The following CCDC47 variants were observed in gnomAD, a reference collection of about 807,000 sequenced individuals.
The protein encoded by CCDC47 is coiled-coil domain containing 47.
CCDC47 carries 41 observed loss-of-function variants against 60.5 expected under a neutral mutation model. The ratio of observed to expected loss-of-function variants is 0.68; its 90% CI spans 0.53 to 0.88. The LOEUF is 0.88. Ranked by LOEUF, CCDC47 falls within the 40% of genes least tolerant of loss-of-function variation. CCDC47 has a pLI of 0.00. For synonymous variants in CCDC47, 195 were observed against 190.7 expected, an observed-to-expected ratio of 1.02 and a Z score of -0.18; for missense variants, 513 against 580.9, an observed-to-expected ratio of 0.88 and a Z score of 1.20.
chr17:63,756,475 C>A lies in CCDC47; in HGVS notation c.831G>T (p.Gln277His), dbSNP rs747288332. 6.2e-7 allele frequency: 1 copy of A among 1,613,192 alleles called. No individual in the cohort carries two copies. The highest frequency in any genetic ancestry group is 1.1e-5 in the South Asian group (1 of 91,076). The part of the protein sequence containing the change: ...KALVRLQKEM[Q>H]DLSEFCSDKP... Reference sequence around the variant, plus strand: ...TTGGAGCAACCTGACATACCAAATCCTGCATCTCTTTCTGTAGTCGCACCA... The same window carrying A: ...TTGGAGCAACCTGACATACCAAATCATGCATCTCTTTCTGTAGTCGCACCA... The change falls in exon 7 of 13, where the codon CAG becomes CAT. Residue 277 changes from glutamine (Q) to histidine (H), a missense_variant. Transcript: ENST00000225726.
chr17:63,753,778 G>T, intron 9 of CCDC47: 1 of 189,800 alleles, frequency 5.3e-6, no homozygotes, highest in Non-Finnish European at 9.7e-6. Flanking sequence ...TCAGACATAA[G>T]TCAAACATCA....
chr17:63,761,118 A>G (rs2039255736), intron 5 of CCDC47, 112 bp downstream of exon 5: 2 of 1,441,916 alleles, frequency 1.4e-6, no homozygotes, highest in Admixed American at 1.7e-5. Context: ...TCACTTTTAG[A>G]CCTCATTTTA....
intron 6 of CCDC47, among the ~76,000 whole-genome samples, chr17:63,759,103 G>A (rs1258646524): frequency 6.6e-6 from 1 of 151,772 alleles, no homozygotes; most frequent in East Asian, 1.9e-4. Context: ...TAACTGATAG[G>A]GTTCTAAATT....
At chr17:63,767,394 G>A (rs2039305050) in intron 1 of CCDC47, among the ~76,000 whole-genome samples, 1 of 152,066 alleles carries the variant, frequency 6.6e-6, no homozygotes, top group Non-Finnish European at 1.5e-5. Flanking sequence ...TATCATATCT[G>A]TGACAAAATA....
chr17:63,754,348 G>A (rs913316777), intron 9 of CCDC47, 85 bp downstream of exon 9: 1 of 795,952 alleles, frequency 1.3e-6, no homozygotes, highest in African/African-American at 1.7e-5. Flanking sequence ...ATTTGGTAAG[G>A]GATATTGCAG....
chr17:63,747,315 C>T (rs2039127968), intron 12 of CCDC47: 1 of 984,184 alleles, frequency 1.0e-6, no homozygotes, highest in Admixed American at 6.2e-5. Flanking sequence ...GGCATTATAT[C>T]ATAAATGTAT....
intron 9 of CCDC47, among the ~76,000 whole-genome samples, chr17:63,754,100 C>T (rs997764464): frequency 1.3e-5 from 2 of 151,876 alleles, no homozygotes; most frequent in South Asian, 2.1e-4. Context: ...AGTGAGACAG[C>T]GTCTCAAACA....
chr17:63,761,591 G>A, intron 4 of CCDC47: 2 of 272,054 alleles, frequency 7.4e-6, no homozygotes, highest in East Asian at 8.1e-5. Context: ...CAGCTACTCA[G>A]GAGGCTGAGG....
intron 9 of CCDC47, 29 bp from the exon 10 acceptor site, chr17:63,752,828 GGAA>G: frequency 6.2e-7 from 1 of 1,603,138 alleles, no homozygotes; most frequent in South Asian, 1.1e-5. Context: ...CAATTAAGAA[GGAA>G]TACAAGAAAG....
chr17:63,764,002 T>C lies in CCDC47; in HGVS notation c.547+14A>G, dbSNP rs537419269. The C allele has an allele frequency of 6.4e-6, 10 of 1,569,234 alleles. No homozygotes were observed. In the East Asian group the frequency reaches 6.8e-5, roughly 11 times the overall value. ...TTTCAAGCAAGAAGCTGGGCTGACATTGGCCTCACTTACCCACTAAAGTAA... is the reference window on the plus strand; with the variant it reads ...TTTCAAGCAAGAAGCTGGGCTGACACTGGCCTCACTTACCCACTAAAGTAA... On this transcript the variant is annotated intron_variant, in intron 4 of 12. Transcript: ENST00000225726.
At chr17:63,757,878 T>C (rs1196052901) in intron 6 of CCDC47, among the ~76,000 whole-genome samples, 1 of 152,140 alleles carries the variant, frequency 6.6e-6, no homozygotes, top group Non-Finnish European at 1.5e-5. Flanking sequence ...TAGACCCTAG[T>C]TAGCCTCAGG....
At chr17:63,757,117 T>G (rs2039213293) in intron 6 of CCDC47, among the ~76,000 whole-genome samples, 1 of 150,682 alleles carries the variant, frequency 6.6e-6, no homozygotes, top group African/African-American at 2.4e-5. Flanking sequence ...TCCTAGCACT[T>G]TAGGAGGCAA....
chr17:63,748,768 T>C (rs967680203), intron 12 of CCDC47, among the ~76,000 whole-genome samples: 1 of 151,556 alleles, frequency 6.6e-6, no homozygotes, highest in African/African-American at 2.4e-5. Flanking sequence ...CGCCTACACT[T>C]TGGGAGGCTG....
At chr17:63,762,812 C>T (rs573608550) in intron 4 of CCDC47, among the ~76,000 whole-genome samples, 1 of 152,158 alleles carries the variant, frequency 6.6e-6, no homozygotes, top group East Asian at 1.9e-4. Flanking sequence ...TCTTGGTTTC[C>T]GTCAGAATTT....
At chr17:63,759,572 TATATAA>T (rs1381598281) in intron 6 of CCDC47, among the ~76,000 whole-genome samples, 15 of 89,948 alleles carry the variant, frequency 1.7e-4, no homozygotes, top group South Asian at 4.2e-4. Context: ...TATATATATA[TATATAA>T]AACAATGATT....
chr17:63,772,138 G>A (rs1277621716), intron 1 of CCDC47, among the ~76,000 whole-genome samples: 2 of 151,746 alleles, frequency 1.3e-5, no homozygotes, highest in Non-Finnish European at 2.9e-5. Flanking sequence ...CCAGCAATAT[G>A]ACCTTAGCCT....
chr17:63,771,001 AAAG>A (rs1260743040), intron 1 of CCDC47, among the ~76,000 whole-genome samples: 10 of 45,034 alleles, frequency 2.2e-4, no homozygotes, highest in African/African-American at 8.3e-4. Context: ...AAAAAAAAAG[AAAG>A]AAAGAAAGAA....
rs746254024 is a variant in CCDC47 at position 63,752,356 on chromosome 17, A to G, written c.1167T>C (p.Ser389=). ...GTCGGAACTTTTTGGCTTTATCAATAGAATAAATCACCATGTTCATCAGGG... is the reference window on the plus strand; with the variant it reads ...GTCGGAACTTTTTGGCTTTATCAATGGAATAAATCACCATGTTCATCAGGG... ...LLPLMNMVIY[S]IDKAKKFRLN... The change falls in exon 11 of 13, where the codon TCT becomes TCC. Residue 389 remains serine (S), a synonymous_variant. Transcript: ENST00000225726. 6.2e-7 allele frequency: 1 copy of G among 1,614,024 alleles called. No homozygotes were observed. Among genetic ancestry groups the G allele is most frequent in the Admixed American group, 1.7e-5 (1 of 60,008 alleles).
chr17:63,772,882 G>A (rs2039359898), intron 1 of CCDC47: 1 of 152,172 alleles, frequency 6.6e-6, no homozygotes, highest in Admixed American at 6.6e-5. Context: ...AGCAACACAG[G>A]ACCAAGGAAA....
Sources: gnomAD v4.1 joint callset for allele counts (sites outside exome capture counted in the v4.1 genomes callset) on GRCh38, gnomAD v4.1.1 for gene constraint, MANE v1.5 for transcripts, NCBI Gene and HGNC (gene_info 2026-07-23, HGNC 2026-07-21) for gene names.